The following SNX9 variants were observed in gnomAD, a reference collection of about 807,000 sequenced individuals.
SNX9 encodes sorting nexin 9, also known as sorting nexin-9.
SNX9 carries 44 observed loss-of-function variants against 89.4 expected under a neutral mutation model. The ratio of observed to expected loss-of-function variants is 0.49; its 90% CI spans 0.39 to 0.63. The LOEUF (loss-of-function observed/expected upper bound fraction) is 0.63, where lower values mean the gene tolerates loss of function less well. Ranked by LOEUF, SNX9 falls within the 30% of genes least tolerant of loss-of-function variation. The pLI, the probability that SNX9 is intolerant of heterozygous loss-of-function variation, is 0.00. For missense variants in SNX9, 578 were observed against 736.1 expected, an observed-to-expected ratio of 0.79 and a Z score of 2.49; for synonymous variants, 236 against 247.8, an observed-to-expected ratio of 0.95 and a Z score of 0.45.
At chr6:157,886,022 A>T (rs1782728882) in intron 4 of SNX9, among the ~76,000 whole-genome samples, 2 of 152,196 alleles carry the variant, frequency 1.3e-5, no homozygotes, top group Admixed American at 1.3e-4. Flanking sequence ...GGCCTGATGT[A>T]GTTACGATGG....
chr6:157,871,049 G>A (rs1004615997), intron 2 of SNX9, among the ~76,000 whole-genome samples: 10 of 152,256 alleles, frequency 6.6e-5, no homozygotes, highest in African/African-American at 2.2e-4. Flanking sequence ...TGAATAGTGA[G>A]CATATTTAGA....
chr6:157,917,116 T>G (rs1156812845), intron 9 of SNX9, among the ~76,000 whole-genome samples: 1 of 152,182 alleles, frequency 6.6e-6, no homozygotes, highest in Non-Finnish European at 1.5e-5. Context: ...CTTTGGTAGC[T>G]TGGGTCTTTA....
chr6:157,853,768 C>T (rs1255762167), intron 1 of SNX9, among the ~76,000 whole-genome samples: 1 of 150,190 alleles, frequency 6.7e-6, no homozygotes, highest in Non-Finnish European at 1.5e-5. Flanking sequence ...ATTTTTAGTA[C>T]ATGCAAATGT....
intron 1 of SNX9, among the ~76,000 whole-genome samples, chr6:157,824,235 A>G (rs1474279545): frequency 6.6e-6 from 1 of 152,110 alleles, no homozygotes; most frequent in Non-Finnish European, 1.5e-5. Flanking sequence ...ACTCTTGGCT[A>G]CCTGAATTTT....
At position 157,837,384 on chromosome 6, in the gene SNX9, TATA is replaced by T. The variant is rs551503305; in HGVS notation, c.12+13942_12+13944del. On this transcript the variant is annotated intron_variant, in intron 1 of 17. Coordinates refer to ENST00000392185, the MANE Select transcript of SNX9 (RefSeq NM_016224.5). ...AATCAGTCCAGATTTATTTGCATTG[TATA>T]ATATGTTCCTACCGTGATTATATAA... Among the ~76,000 whole-genome samples, 103 of 152,366 alleles carry T rather than the reference TATA, an allele frequency of 6.8e-4. 1 individual carries two copies. Among genetic ancestry groups the T allele is most frequent in the African/African-American group, 2.2e-3 (90 of 41,584 alleles).
chr6:157,841,588 A>AG (rs1172219061), intron 1 of SNX9, among the ~76,000 whole-genome samples: 2 of 152,146 alleles, frequency 1.3e-5, no homozygotes, highest in African/African-American at 4.8e-5. Flanking sequence ...GGGCCAGTGA[A>AG]GTAGGCTGTG....
chr6:157,925,269 A>C (rs992792631), intron 10 of SNX9, among the ~76,000 whole-genome samples: 1 of 150,956 alleles, frequency 6.6e-6, no homozygotes, highest in Non-Finnish European at 1.5e-5. Flanking sequence ...TCTCATTAGC[A>C]ATCAATAAAT....
intron 1 of SNX9, 46 bp from the exon 2 acceptor site, chr6:157,867,499 ACT>A (rs1562598848): frequency 2.0e-6 from 3 of 1,475,656 alleles, no homozygotes; most frequent in Non-Finnish European, 2.8e-6. Flanking sequence ...TGTTTTTACT[ACT>A]CTGTTTGTGT....
At position 157,872,370 on chromosome 6, in the gene SNX9, A is replaced by G. The variant is rs550196208; in HGVS notation, c.100-732A>G. On this transcript the variant is annotated intron_variant, in intron 2 of 17. Coordinates refer to ENST00000392185, the MANE Select transcript of SNX9 (RefSeq NM_016224.5). Reference sequence around the variant, plus strand: ...CAGAAGAACTGAGGAACCATGGATCAGTTCACTTTTTCTGCATAACAATCC... The same window carrying G: ...CAGAAGAACTGAGGAACCATGGATCGGTTCACTTTTTCTGCATAACAATCC... Among the ~76,000 whole-genome samples the G allele has an allele frequency of 2.2e-4, 34 of 152,320 alleles. 1 individual carries two copies. The highest frequency in any genetic ancestry group is 7.7e-4 in the African/African-American group (32 of 41,572).
Position 157,837,242 on chromosome 6 carries a change from A to T in SNX9, c.12+13796A>T, listed in dbSNP as rs562695613. Among the ~76,000 whole-genome samples, 10 of 152,288 alleles carry T rather than the reference A, an allele frequency of 6.6e-5. No individual in the cohort carries two copies. The East Asian group carries it at 1.9e-3, about 29-fold the overall frequency. On this transcript the variant is annotated intron_variant, in intron 1 of 17. Coordinates refer to ENST00000392185, the MANE Select transcript of SNX9 (RefSeq NM_016224.5). ...GATTGATCGTTGGTATTATATGCAAAATGTCTCAACACTGTTACAATCTCA... is the reference window on the plus strand; with the variant it reads ...GATTGATCGTTGGTATTATATGCAATATGTCTCAACACTGTTACAATCTCA...
Position 157,823,319 on chromosome 6 carries a change from G to A in SNX9, c.-116G>A. 3 of 947,006 alleles carry A rather than the reference G, an allele frequency of 3.2e-6. No individual in the cohort carries two copies. Among genetic ancestry groups the A allele is most frequent in the Non-Finnish European group, 2.7e-6 (2 of 750,966 alleles). The allele number at this position is 947,006 out of a possible 1,614,324, so 58.7% of individuals were successfully genotyped here. A position where few individuals can be genotyped will look rare whatever the true frequency, so the allele number is the denominator to read the frequency against. On this transcript the variant is annotated 5_prime_UTR_variant, in exon 1 of 18. Coordinates refer to ENST00000392185, the MANE Select transcript of SNX9 (RefSeq NM_016224.5). This position sits in a 1 kb window ranked among gnomAD's most constrained non-coding sequence, Gnocchi z 4.6. ...GCCGAGGCGGAGGAGCGGCCGCCGC[G>A]CCGGGGCCCAGCCGGAGCCGCCGCC... is the stretch of plus-strand genomic sequence containing the variant.
intron 1 of SNX9, among the ~76,000 whole-genome samples, chr6:157,861,352 G>C (rs1307538338): frequency 3.9e-5 from 6 of 152,138 alleles, no homozygotes. Flanking sequence ...GCATCCCCTT[G>C]GAGCTTCTTA....
intron 14 of SNX9, among the ~76,000 whole-genome samples, chr6:157,936,364 C>T (rs1203283076): frequency 6.6e-6 from 1 of 152,108 alleles, no homozygotes; most frequent in Non-Finnish European, 1.5e-5. Context: ...CAAAAATTAG[C>T]TGGGTGTAGT....
chr6:157,923,370 T>C (rs1285597188), intron 10 of SNX9, among the ~76,000 whole-genome samples: 1 of 151,412 alleles, frequency 6.6e-6, no homozygotes, highest in African/African-American at 2.4e-5. Context: ...AAGTGGTTAG[T>C]AAGGTAGCTG....
intron 1 of SNX9, among the ~76,000 whole-genome samples, chr6:157,855,121 T>A (rs891021559): frequency 6.6e-6 from 1 of 152,196 alleles, no homozygotes; most frequent in Non-Finnish European, 1.5e-5. Context: ...AGCAAATGCA[T>A]GTACTGCATC....
intron 4 of SNX9, among the ~76,000 whole-genome samples, chr6:157,876,757 G>C (rs187373597): frequency 6.6e-5 from 10 of 152,340 alleles, no homozygotes; most frequent in Non-Finnish European, 8.8e-5. Context: ...CCTCATTGCC[G>C]TTTGAGGCCC....
intron 1 of SNX9, among the ~76,000 whole-genome samples, chr6:157,826,883 A>ATAAATATATATTATAGTTTATATAATATG: frequency 1.9e-5 from 2 of 103,686 alleles, no homozygotes; most frequent in Admixed American, 2.3e-4. Flanking sequence ...TATATAATAT[A>ATAAATATATATTATAGTTTATATAATATG]TAAATATATA....
Position 157,874,252 on chromosome 6 carries a change from A to G in SNX9, c.175-799A>G, listed in dbSNP as rs545041814. ...AAACGTGTGCCCATGCACACACCACAGCCTTTTCCATACAACTGCAACCCC... is the reference window on the plus strand; with the variant it reads ...AAACGTGTGCCCATGCACACACCACGGCCTTTTCCATACAACTGCAACCCC... On this transcript the variant is annotated intron_variant, in intron 3 of 17. Coordinates refer to ENST00000392185, the MANE Select transcript of SNX9 (RefSeq NM_016224.5). 1.2e-4 allele frequency: 19 copies of G among 152,404 alleles called. 1 individual carries two copies. The highest frequency in any genetic ancestry group is 4.1e-4 in the African/African-American group (17 of 41,572). The allele number at this position is 152,404 out of a possible 1,614,324, so 9.4% of individuals were successfully genotyped here. A position where few individuals can be genotyped will look rare whatever the true frequency, so the allele number is the denominator to read the frequency against.
intron 14 of SNX9, among the ~76,000 whole-genome samples, chr6:157,936,787 G>C (rs918686787): frequency 3.9e-5 from 6 of 152,160 alleles, no homozygotes; most frequent in African/African-American, 1.4e-4. Flanking sequence ...GCTTTTATTG[G>C]AGTCTTTAGT....
Sources: allele counts gnomAD v4.1 joint callset (sites outside exome capture counted in the v4.1 genomes callset), GRCh38; gene constraint gnomAD v4.1.1; non-coding constraint Gnocchi (gnomAD v3.1); transcripts MANE v1.5; gene names NCBI Gene and HGNC (gene_info 2026-07-23, HGNC 2026-07-21).